Variants in MEGF9 observed in about 807,000 individuals in gnomAD.
The protein encoded by MEGF9 is multiple epidermal growth factor-like domains protein 9.
Under a neutral mutation model 46.8 loss-of-function variants are expected in MEGF9, and 6 were observed. That is an observed-to-expected ratio of 0.13 (90% confidence interval 0.07 to 0.25). The LOEUF (loss-of-function observed/expected upper bound fraction) is 0.25. Among genes scored for constraint, MEGF9 ranks in the 10% least tolerant of loss-of-function variants. The probability of loss-of-function intolerance (pLI) is 1.00; values close to 1 mark genes in which losing one functional copy is unlikely to be tolerated. For missense variants in MEGF9, 683 were observed against 792.4 expected, an observed-to-expected ratio of 0.86 and a Z score of 1.66; for synonymous variants, 302 against 330.7, an observed-to-expected ratio of 0.91 and a Z score of 0.94.
In MEGF9 at chr9:120,605,357, C is replaced by T. The variant is rs761604118; in HGVS notation, c.1642G>A (p.Ala548Thr). ...TTCAGCTCGATGGTCCAAAAGGGGG[C>T]ATTGAGTTTCCGGTTTTGGTACTCG... ...YREYQNRKLN[A>T]PFWTIELKED... is the part of the protein sequence containing the mutation. The change falls in exon 6 of 6, where the codon GCC becomes ACC. Residue 548 changes from alanine (A) to threonine (T), a missense_variant. By Grantham distance (58) the Ala-to-Thr change is moderately conservative (BLOSUM62 0). Transcript: ENST00000373930. The surrounding 1 kb of genome is among the most constrained non-coding windows in gnomAD (Gnocchi z 4.0). 6.2e-7 allele frequency: 1 copy of T among 1,613,998 alleles called. No homozygotes were observed. Among genetic ancestry groups the T allele is most frequent in the Non-Finnish European group, 8.5e-7 (1 of 1,179,886 alleles).
At chr9:120,683,261 T>C (rs1002945233) in intron 1 of MEGF9, among the ~76,000 whole-genome samples, 6 of 152,296 alleles carry the variant, frequency 3.9e-5, no homozygotes, top group Middle Eastern at 3.4e-3. Context: ...GAATATGCAT[T>C]TTTACATAGT....
At chr9:120,650,953 GAACTAC>G (rs2043646975) in intron 2 of MEGF9, among the ~76,000 whole-genome samples, 1 of 151,636 alleles carries the variant, frequency 6.6e-6, no homozygotes, top group Non-Finnish European at 1.5e-5. Context: ...TTTCTACTCT[GAACTAC>G]TATACTTACA....
chr9:120,610,272 AT>A (rs2043439290), intron 4 of MEGF9, among the ~76,000 whole-genome samples: 1 of 152,158 alleles, frequency 6.6e-6, no homozygotes, highest in Non-Finnish European at 1.5e-5. Flanking sequence ...ATTTTACAGC[AT>A]TTTTGTACTT....
intron 2 of MEGF9, among the ~76,000 whole-genome samples, chr9:120,628,468 G>C (rs73660599): frequency 1.4e-5 from 1 of 69,032 alleles, no homozygotes; most frequent in Non-Finnish European, 2.6e-5. Context: ...TCTTGTCGTT[G>C]TTTTTTTTTT....
intron 2 of MEGF9, among the ~76,000 whole-genome samples, chr9:120,650,132 G>A (rs1212879086): frequency 1.3e-5 from 2 of 152,174 alleles, no homozygotes; most frequent in East Asian, 1.9e-4. Context: ...AGCCGGGCGT[G>A]GTGGCGGGTG....
At chr9:120,638,092 A>C (rs1424732368) in intron 2 of MEGF9, among the ~76,000 whole-genome samples, 1 of 152,052 alleles carries the variant, frequency 6.6e-6, no homozygotes, top group African/African-American at 2.4e-5. Flanking sequence ...TACTGAGCTC[A>C]AATAATCATC....
intron 2 of MEGF9, among the ~76,000 whole-genome samples, chr9:120,644,837 A>G (rs963221457): frequency 5.9e-5 from 9 of 152,200 alleles, no homozygotes; most frequent in African/African-American, 2.2e-4. Context: ...TTGTCTCAGA[A>G]GGAAGTCAAA....
intron 3 of MEGF9, among the ~76,000 whole-genome samples, chr9:120,618,881 G>C (rs2043484982): frequency 6.7e-6 from 1 of 149,246 alleles, no homozygotes; most frequent in Non-Finnish European, 1.5e-5. Context: ...CCTGGTGACA[G>C]AGCAAGACTC....
At position 120,714,103 on chromosome 9, in the gene MEGF9, T is replaced by G; in HGVS notation, c.256A>C (p.Thr86Pro). Reference sequence around the variant, plus strand: ...GTCGCAGCCAGGGGTCGGTGGACGGTGGCGCGCGGGGGCCCGGTCCTCGGG... The same window carrying G: ...GTCGCAGCCAGGGGTCGGTGGACGGGGGCGCGCGGGGGCCCGGTCCTCGGG... ...QAPRTGPPRA[T>P]VHRPLAATSP... The change falls in exon 1 of 6, where the codon ACC (threonine) becomes CCC (proline). Residue 86 changes from threonine (T) to proline (P), a missense_variant. Thr to Pro is a conservative substitution (Grantham distance 38, BLOSUM62 -1). Transcript: ENST00000373930. 8.0e-7 allele frequency: 1 copy of G among 1,248,234 alleles called. No homozygotes were observed. The highest frequency in any genetic ancestry group is 1.0e-6 in the Non-Finnish European group (1 of 996,282). 77.3% of individuals were successfully genotyped at this position (1,248,234 alleles called of 1,614,324 possible). A position where few individuals can be genotyped will look rare whatever the true frequency, so the allele number is the denominator to read the frequency against.
At chr9:120,618,402 G>A (rs2043481591) in intron 3 of MEGF9, among the ~76,000 whole-genome samples, 1 of 152,096 alleles carries the variant, frequency 6.6e-6, no homozygotes, top group Non-Finnish European at 1.5e-5. Context: ...AAGCTGCTCA[G>A]GTCAAGTTAC....
rs766330181 is a variant in MEGF9, at chr9:120,668,822, T to C, written c.602-9247A>G. ...TTAAGCAAGGAATCTGAGTATCAGATAGATGAAACAAATCATACAACTAAT... is the reference window on the plus strand; with the variant it reads ...TTAAGCAAGGAATCTGAGTATCAGACAGATGAAACAAATCATACAACTAAT... On this transcript the variant is annotated intron_variant, in intron 1 of 5. Coordinates refer to ENST00000373930, the MANE Select transcript of MEGF9 (RefSeq NM_001080497.3). Among the ~76,000 whole-genome samples the C allele has an allele frequency of 4.6e-5, 7 of 152,206 alleles. 1 individual carries two copies. Among genetic ancestry groups the C allele is most frequent in the Admixed American group, 3.3e-4 (5 of 15,284 alleles).
chr9:120,713,411 T>TC (rs2132349444), intron 1 of MEGF9, among the ~76,000 whole-genome samples: 1 of 152,168 alleles, frequency 6.6e-6, no homozygotes, highest in East Asian at 1.9e-4. Flanking sequence ...CTTTCAAACT[T>TC]CCCCAAATAA....
At chr9:120,703,844 G>A (rs1177413955) in intron 1 of MEGF9, among the ~76,000 whole-genome samples, 1 of 151,906 alleles carries the variant, frequency 6.6e-6, no homozygotes, top group Non-Finnish European at 1.5e-5. Flanking sequence ...GTGGTGGTGG[G>A]TGCCTGTAAT....
chr9:120,690,445 T>G (rs377337356), intron 1 of MEGF9, among the ~76,000 whole-genome samples: 1 of 152,208 alleles, frequency 6.6e-6, no homozygotes, highest in East Asian at 1.9e-4. Context: ...CTATTTGTAT[T>G]TTAGGGTATA....
chr9:120,695,366 G>A (rs1338529920), intron 1 of MEGF9, among the ~76,000 whole-genome samples: 1 of 152,034 alleles, frequency 6.6e-6, no homozygotes, highest in African/African-American at 2.4e-5. Context: ...AACACTTTGG[G>A]AAGCCAAGGC....
At chr9:120,620,627 A>G (rs1457434726) in intron 3 of MEGF9, among the ~76,000 whole-genome samples, 2 of 152,244 alleles carry the variant, frequency 1.3e-5, no homozygotes, top group Middle Eastern at 3.4e-3. Flanking sequence ...TTAATTGACG[A>G]CTCGAGGGAA....
intron 1 of MEGF9, among the ~76,000 whole-genome samples, chr9:120,687,502 A>C (rs542353386): frequency 1.3e-5 from 2 of 152,356 alleles, no homozygotes; most frequent in Admixed American, 1.3e-4. Flanking sequence ...AATGATTATC[A>C]ATAAGAAAAA....
chr9:120,706,559 G>C (rs1401860520), intron 1 of MEGF9, among the ~76,000 whole-genome samples: 1 of 152,228 alleles, frequency 6.6e-6, no homozygotes, highest in Non-Finnish European at 1.5e-5. Flanking sequence ...AGGTGGCTGG[G>C]CACGGTGTCT....
At chr9:120,697,129 C>G (rs1359728731) in intron 1 of MEGF9, among the ~76,000 whole-genome samples, 1 of 152,228 alleles carries the variant, frequency 6.6e-6, no homozygotes, top group Admixed American at 6.5e-5. Flanking sequence ...GTCGCCCAGG[C>G]TGGAGTACAG....
Sources: gnomAD v4.1 joint callset for allele counts (sites outside exome capture counted in the v4.1 genomes callset) on GRCh38, gnomAD v4.1.1 for gene constraint, Gnocchi (gnomAD v3.1) non-coding constraint, MANE v1.5 for transcripts, NCBI Gene and HGNC (gene_info 2026-07-23, HGNC 2026-07-21) for gene names.